The following THADA variants were observed in gnomAD, a reference collection of about 807,000 sequenced individuals.
THADA encodes the protein THADA armadillo repeat containing, also known as tRNA (32-2'-O)-methyltransferase regulator THADA.
In THADA, 213 loss-of-function variants were observed where a neutral mutation model predicts 219.8. The ratio of observed to expected loss-of-function variants is 0.97; its 90% CI spans 0.87 to 1.09. THADA has a LOEUF of 1.09. Among genes scored for constraint, THADA ranks in the 50% least tolerant of loss-of-function variants. THADA has a pLI of 0.00. For synonymous variants in THADA, 1,018 were observed against 828.9 expected (o/e 1.23, Z -3.92); for missense variants, 2,956 against 2,311.3 (o/e 1.28, Z -5.72).
At chr2:43,447,337 C>T (rs1274976166) in intron 26 of THADA, among the ~76,000 whole-genome samples, 1 of 152,136 alleles carries the variant, frequency 6.6e-6, no homozygotes, top group Non-Finnish European at 1.5e-5. Flanking sequence ...ATCTCTGTCA[C>T]TGTGGTCATA....
intron 11 of THADA, 144 bp from the exon 12 acceptor site, chr2:43,573,136 T>C: frequency 1.5e-6 from 1 of 659,208 alleles, no homozygotes; most frequent in Non-Finnish European, 2.3e-6. Context: ...CAAATTAAAG[T>C]TCCTATTCTA....
At chr2:43,439,743 G>A (rs1236283847) in intron 26 of THADA, among the ~76,000 whole-genome samples, 4 of 152,176 alleles carry the variant, frequency 2.6e-5, no homozygotes, top group Non-Finnish European at 4.4e-5. Context: ...CGTATCCATG[G>A]TTCGAGGCAT....
chr2:43,409,351 T>C (rs1489441641), intron 28 of THADA, among the ~76,000 whole-genome samples: 1 of 151,980 alleles, frequency 6.6e-6, no homozygotes, highest in African/African-American at 2.4e-5. Flanking sequence ...TTCCAAAAAA[T>C]TGCTTTTTTT....
At chr2:43,419,527 T>C (rs940508389) in intron 28 of THADA, among the ~76,000 whole-genome samples, 3 of 152,234 alleles carry the variant, frequency 2.0e-5, no homozygotes, top group Non-Finnish European at 4.4e-5. Flanking sequence ...CTTGTCCTCA[T>C]TTGAAGCCTT....
intron 29 of THADA, among the ~76,000 whole-genome samples, chr2:43,389,908 A>C (rs1464696429): frequency 6.6e-6 from 1 of 152,184 alleles, no homozygotes; most frequent in Non-Finnish European, 1.5e-5. Context: ...AATTGTCTGC[A>C]GTGTCAATGG....
chr2:43,353,603 T>C, intron 29 of THADA, among the ~76,000 whole-genome samples: 2 of 152,210 alleles, frequency 1.3e-5, no homozygotes, highest in Non-Finnish European at 2.9e-5. Context: ...CCTTATCTGA[T>C]ACATGGCTTG....
intron 28 of THADA, among the ~76,000 whole-genome samples, chr2:43,423,882 A>G (rs1678063330): frequency 6.6e-6 from 1 of 152,158 alleles, no homozygotes; most frequent in African/African-American, 2.4e-5. Flanking sequence ...AGCCCAGAGA[A>G]GCAGGCCCTG....
At chr2:43,371,862 G>A (rs960859295) in intron 29 of THADA, 1 of 151,956 alleles carries the variant, frequency 6.6e-6, no homozygotes, top group African/African-American at 2.4e-5. Context: ...AAAATCACTT[G>A]CCATTTTAGC....
intron 22 of THADA, among the ~76,000 whole-genome samples, chr2:43,517,827 A>C (rs1224122366): frequency 6.6e-6 from 1 of 152,170 alleles, no homozygotes; most frequent in Non-Finnish European, 1.5e-5. Context: ...CCCAGGGAGC[A>C]AAAAATCCAA....
chr2:43,332,133 C>A (rs548904287), intron 30 of THADA, among the ~76,000 whole-genome samples: 3 of 152,098 alleles, frequency 2.0e-5, no homozygotes, highest in Non-Finnish European at 4.4e-5. Context: ...TCACCCAGGC[C>A]GGAGTGCAGT....
Position 43,467,181 on chromosome 2 carries a change from CAAAAA to C in THADA, c.3836+18048_3836+18052del, listed in dbSNP as rs70963399. Among the ~76,000 whole-genome samples, 5 of 58,402 alleles carry C rather than the reference CAAAAA, an allele frequency of 8.6e-5. No homozygotes were observed. In the South Asian group the frequency reaches 2.7e-3, roughly 32 times the overall value. The allele number at this position is 58,402 out of a possible 152,430, so 38.3% of individuals were successfully genotyped here. ...TGGGCGACAGAGCGAGACTCCGTCT[CAAAAA>C]AAAAAAAAAAAAAAAAAAAACACCA... On this transcript the variant is annotated intron_variant, in intron 26 of 37. Coordinates refer to ENST00000405975, the MANE Select transcript of THADA (RefSeq NM_022065.5).
intron 36 of THADA, among the ~76,000 whole-genome samples, chr2:43,260,922 T>C (rs893222200): frequency 2.6e-5 from 4 of 152,196 alleles, no homozygotes; most frequent in African/African-American, 9.6e-5. Flanking sequence ...TCATTCATCT[T>C]TGGTTGGCTT....
At chr2:43,428,858 A>G (rs1308059861) in intron 27 of THADA, among the ~76,000 whole-genome samples, 1 of 152,180 alleles carries the variant, frequency 6.6e-6, no homozygotes, top group African/African-American at 2.4e-5. Context: ...ATGAAATGTG[A>G]AACTTTCAAC....
intron 25 of THADA, among the ~76,000 whole-genome samples, chr2:43,487,319 A>T (rs1470425195): frequency 6.6e-6 from 1 of 152,200 alleles, no homozygotes; most frequent in Non-Finnish European, 1.5e-5. Context: ...CACAGACTCC[A>T]TCTTGCCCTA....
At chr2:43,398,209 A>G in intron 28 of THADA, 70 bp from the exon 29 acceptor site, 3 of 1,512,336 alleles carry the variant, frequency 2.0e-6, no homozygotes, top group Non-Finnish European at 2.7e-6. Context: ...ATATACTTAC[A>G]TTCTATCTAG....
intron 36 of THADA, among the ~76,000 whole-genome samples, chr2:43,269,297 C>G (rs1257778148): frequency 6.6e-6 from 1 of 152,208 alleles, no homozygotes; most frequent in Non-Finnish European, 1.5e-5. Context: ...CAGCAAGAGT[C>G]AGGGCAAAAT....
chr2:43,260,345 G>A (rs748477984), intron 36 of THADA, among the ~76,000 whole-genome samples: 1 of 152,060 alleles, frequency 6.6e-6, no homozygotes, highest in Non-Finnish European at 1.5e-5. Context: ...TTTCATGCGT[G>A]TCCTGTTCAC....
intron 21 of THADA, among the ~76,000 whole-genome samples, chr2:43,529,545 A>T (rs1252953533): frequency 6.6e-6 from 1 of 152,176 alleles, no homozygotes; most frequent in Non-Finnish European, 1.5e-5. Context: ...CAAAACGGAC[A>T]ATTCATTGTT....
At chr2:43,527,498 C>T (rs1040147898) in intron 22 of THADA, among the ~76,000 whole-genome samples, 2 of 152,016 alleles carry the variant, frequency 1.3e-5, no homozygotes, top group Non-Finnish European at 2.9e-5. Context: ...AAACCAAAAT[C>T]CTTAAGTGCT....
Sources: allele counts gnomAD v4.1 joint callset (sites outside exome capture counted in the v4.1 genomes callset), GRCh38; gene constraint gnomAD v4.1.1; transcripts MANE v1.5; gene names NCBI Gene and HGNC (gene_info 2026-07-23, HGNC 2026-07-21).